Variants in RFX3 observed in about 807,000 individuals in gnomAD.
The protein encoded by RFX3 is transcription factor RFX3.
In RFX3, 14 loss-of-function variants were observed where a neutral mutation model predicts 98.6. That is an observed-to-expected ratio of 0.14 (90% CI 0.09 to 0.22). The LOEUF (loss-of-function observed/expected upper bound fraction) is 0.22, where lower values mean the gene tolerates loss of function less well. RFX3 is among the 10% of genes least tolerant of loss of function. The pLI is 1.00. For synonymous variants in RFX3, 383 were observed against 328.4 expected (o/e 1.17, Z -1.80); for missense variants, 639 against 926.9 (o/e 0.69, Z 4.03).
chr9:3,296,055 T>C (rs539354493), intron 5 of RFX3, among the ~76,000 whole-genome samples: 1 of 152,056 alleles, frequency 6.6e-6, no homozygotes, highest in South Asian at 2.1e-4. Flanking sequence ...TTCATGATCA[T>C]AGGAATTATC....
intron 1 of RFX3, among the ~76,000 whole-genome samples, chr9:3,410,325 C>A (rs146671435): frequency 2.0e-5 from 3 of 151,922 alleles, no homozygotes; most frequent in Non-Finnish European, 1.5e-5. Flanking sequence ...TCTTGGTGTT[C>A]CATGCTCAGT....
At chr9:3,350,740 A>G (rs956721656) in intron 2 of RFX3, among the ~76,000 whole-genome samples, 1 of 152,162 alleles carries the variant, frequency 6.6e-6, no homozygotes, top group African/African-American at 2.4e-5. Context: ...ATTAATTCCA[A>G]TAATGGAATA....
chr9:3,397,616 G>A (rs1337326601), intron 1 of RFX3, among the ~76,000 whole-genome samples: 1 of 152,182 alleles, frequency 6.6e-6, no homozygotes, highest in Non-Finnish European at 1.5e-5. Flanking sequence ...GGTGACAGGA[G>A]TAGACTTGGG....
At chr9:3,397,795 C>T (rs1444854897) in intron 1 of RFX3, among the ~76,000 whole-genome samples, 1 of 152,154 alleles carries the variant, frequency 6.6e-6, no homozygotes, top group African/African-American at 2.4e-5. Context: ...ACTGATTGTT[C>T]AACACACGCT....
chr9:3,430,267 G>A (rs1844527798), intron 1 of RFX3, among the ~76,000 whole-genome samples: 1 of 152,190 alleles, frequency 6.6e-6, no homozygotes, highest in Non-Finnish European at 1.5e-5. Flanking sequence ...TGGATAGCAT[G>A]CTAGGCTGTA....
chr9:3,503,092 T>C (rs1401522973), intron 1 of RFX3, among the ~76,000 whole-genome samples: 4 of 152,138 alleles, frequency 2.6e-5, no homozygotes, highest in Non-Finnish European at 4.4e-5. Context: ...CAAGTGGAGA[T>C]ACTAAATTTT....
At chr9:3,508,648 AAC>A (rs1386778703) in intron 1 of RFX3, among the ~76,000 whole-genome samples, 1 of 151,960 alleles carries the variant, frequency 6.6e-6, no homozygotes, top group East Asian at 1.9e-4. Flanking sequence ...ATCCAAAGGG[AAC>A]AGTTTTACAA....
At position 3,456,801 on chromosome 9, in the gene RFX3, C is replaced by T. The variant is rs945867686; in HGVS notation, c.-8-61205G>A. On this transcript the variant is annotated intron_variant, in intron 1 of 16. Coordinates refer to ENST00000617270, the MANE Select transcript of RFX3 (RefSeq NM_001282116.2). ...GACACTCCTAGGAAGCCCATGTGGT[C>T]CCTAGAGGACTACTCAAGTCCTCAC... Among the ~76,000 whole-genome samples the T allele has an allele frequency of 2.0e-5, 3 of 152,100 alleles. No homozygotes were observed. In the East Asian group the frequency reaches 5.8e-4, roughly 29 times the overall value.
At chr9:3,238,669 T>C (rs1174838963) in intron 15 of RFX3, among the ~76,000 whole-genome samples, 2 of 152,190 alleles carry the variant, frequency 1.3e-5, no homozygotes, top group African/African-American at 4.8e-5. Flanking sequence ...CTTTGCAACA[T>C]TCTGAATTTT....
intron 14 of RFX3, among the ~76,000 whole-genome samples, chr9:3,251,607 T>A (rs1455929523): frequency 2.6e-5 from 4 of 151,922 alleles, no homozygotes. Context: ...ATAGCTGGGA[T>A]TACAGGTGCA....
Position 3,464,466 on chromosome 9 carries a change from C to T in RFX3, c.-9+61281G>A, listed in dbSNP as rs139633186. On this transcript the variant is annotated intron_variant, in intron 1 of 16. Coordinates refer to ENST00000617270, the MANE Select transcript of RFX3 (RefSeq NM_001282116.2). ...ACTACCACTCAGCAATAAAAAGGAA[C>T]AAACTGCTGATACATATACAGCTAA... Among the ~76,000 whole-genome samples, 783 of 152,254 alleles carry T rather than the reference C, an allele frequency of 5.1e-3. 11 individuals are homozygous for T. The highest frequency in any genetic ancestry group is 7.9e-3 in the Admixed American group (121 of 15,290).
chr9:3,414,345 G>C (rs1009373030), intron 1 of RFX3, among the ~76,000 whole-genome samples: 3 of 151,932 alleles, frequency 2.0e-5, no homozygotes, highest in African/African-American at 7.2e-5. Flanking sequence ...AATCTTAAGA[G>C]TAAAGTCATT....
intron 2 of RFX3, among the ~76,000 whole-genome samples, chr9:3,393,635 T>A (rs1217789755): frequency 6.7e-6 from 1 of 148,298 alleles, no homozygotes; most frequent in African/African-American, 2.6e-5. Context: ...CCTTTCTCAA[T>A]AAGGTTCAGA....
At chr9:3,311,414 A>T (rs916580553) in intron 4 of RFX3, among the ~76,000 whole-genome samples, 10 of 152,242 alleles carry the variant, frequency 6.6e-5, no homozygotes, top group African/African-American at 2.4e-4. Flanking sequence ...GTGTGAAATG[A>T]CAGCCTCCTG....
Position 3,308,884 on chromosome 9 carries a change from G to C in RFX3, c.475-7264C>G, listed in dbSNP as rs566784706. 3.9e-5 allele frequency among the ~76,000 whole-genome samples: 6 copies of C among 152,216 alleles called. No homozygotes were observed. The South Asian group carries it at 1.2e-3, about 32-fold the overall frequency. On this transcript the variant is annotated intron_variant, in intron 4 of 16. Coordinates refer to ENST00000617270, the MANE Select transcript of RFX3 (RefSeq NM_001282116.2). Reference sequence around the variant, plus strand: ...CTGGAGAATTACAGCAAATACATATGTGAGTCAGCTCCACTAACCAAACTT... The same window carrying C: ...CTGGAGAATTACAGCAAATACATATCTGAGTCAGCTCCACTAACCAAACTT...
intron 7 of RFX3, among the ~76,000 whole-genome samples, chr9:3,284,829 G>A (rs1021109238): frequency 5.7e-4 from 87 of 151,620 alleles, no homozygotes; most frequent in African/African-American, 2.1e-3. Context: ...TCAACTAACT[G>A]AAACTGCAGG....
intron 4 of RFX3, among the ~76,000 whole-genome samples, chr9:3,308,603 T>C (rs972887722): frequency 3.3e-5 from 5 of 152,150 alleles, no homozygotes; most frequent in Admixed American, 3.3e-4. Flanking sequence ...AGCAGGAACA[T>C]GAAAAGATCT....
chr9:3,525,706 C>T (rs898355479), intron 1 of RFX3, 41 bp downstream of exon 1: 13 of 177,590 alleles, frequency 7.3e-5, no homozygotes, highest in South Asian at 3.7e-4. Flanking sequence ...CACACGCAGC[C>T]ACACGCTCCC....
At chr9:3,501,995 T>C (rs1816070125) in intron 1 of RFX3, among the ~76,000 whole-genome samples, 2 of 151,754 alleles carry the variant, frequency 1.3e-5, no homozygotes, top group Admixed American at 6.6e-5. Flanking sequence ...CTCACGCCTG[T>C]AATCCCAGCA....
Sources: gnomAD v4.1 joint callset for allele counts (sites outside exome capture counted in the v4.1 genomes callset) on GRCh38, gnomAD v4.1.1 for gene constraint, MANE v1.5 for transcripts, NCBI Gene and HGNC (gene_info 2026-07-23, HGNC 2026-07-21) for gene names.